CASZ1: variants seen among roughly 807,000 people sequenced by gnomAD.
CASZ1 encodes the protein zinc finger protein castor homolog 1.
CASZ1 carries 28 observed loss-of-function variants against 135.2 expected under a neutral mutation model. The ratio of observed to expected loss-of-function variants is 0.21; its 90% CI spans 0.15 to 0.28. CASZ1 has a LOEUF of 0.28. CASZ1 is among the 10% of genes least tolerant of loss of function. The pLI is 1.00. For missense variants in CASZ1, 2,161 were observed against 2,453.3 expected (o/e 0.88, Z 2.52); for synonymous variants, 1,068 against 1,073.4 (o/e 0.99, Z 0.10).
chr1:10,786,998 C>T (rs1156800782), intron 1 of CASZ1, among the ~76,000 whole-genome samples: 4 of 152,180 alleles, frequency 2.6e-5, no homozygotes, highest in East Asian at 1.9e-4. Context: ...ACATAAAAAC[C>T]GGCTCCCCTG....
intron 2 of CASZ1, among the ~76,000 whole-genome samples, chr1:10,732,916 C>G (rs1639728365): frequency 6.6e-6 from 1 of 152,122 alleles, no homozygotes; most frequent in African/African-American, 2.4e-5. Context: ...GGCCCCTTCC[C>G]AGGGACGTGT....
Position 10,756,725 on chromosome 1 carries a change from G to A in CASZ1, c.-77+3976C>T, listed in dbSNP as rs1477449744. On this transcript the variant is annotated intron_variant, in intron 2 of 20. Coordinates refer to ENST00000377022, the MANE Select transcript of CASZ1 (RefSeq NM_001079843.3). The surrounding 1 kb of genome is among the most constrained non-coding windows in gnomAD (Gnocchi z 5.9). The stretch of plus-strand genomic sequence containing the variant: ...GGCAATTCACACCTTTGTGTGTGGC[G>A]ACACTATTAGGATCCCTGCCGATGA... Among the ~76,000 whole-genome samples the A allele has an allele frequency of 6.6e-6, 1 of 152,184 alleles. No homozygotes were observed. The highest frequency in any genetic ancestry group is 1.5e-5 in the Non-Finnish European group (1 of 68,042).
In CASZ1 at chr1:10,647,354, C is replaced by T; in HGVS notation, c.3497+447G>A. 1 of 1,049,558 alleles carries T rather than the reference C, an allele frequency of 9.5e-7. No homozygotes were observed. The highest frequency in any genetic ancestry group is 1.2e-6 in the Non-Finnish European group (1 of 869,160). 65.0% of individuals were successfully genotyped at this position (1,049,558 alleles called of 1,614,324 possible). On this transcript the variant is annotated intron_variant, in intron 16 of 20. Coordinates refer to ENST00000377022, the MANE Select transcript of CASZ1 (RefSeq NM_001079843.3). This position sits in a 1 kb window ranked among gnomAD's most constrained non-coding sequence, Gnocchi z 4.9. ...CCAAGAGCTCAGACCACTGTGCAGG[C>T]CAGTGACGGCCTGGAGGGGCCTGGC... is the stretch of plus-strand genomic sequence containing the variant.
intron 2 of CASZ1, among the ~76,000 whole-genome samples, chr1:10,730,566 A>G (rs201137691): frequency 6.6e-6 from 1 of 152,192 alleles, no homozygotes; most frequent in East Asian, 1.9e-4. Flanking sequence ...AGTGACTGAC[A>G]GACAAATTGT....
intron 2 of CASZ1, among the ~76,000 whole-genome samples, chr1:10,752,141 C>T (rs558638704): frequency 2.6e-5 from 4 of 152,272 alleles, no homozygotes; most frequent in East Asian, 1.9e-4. Context: ...GGGCAGCAGA[C>T]GGGGATTCTT....
chr1:10,687,245 A>G (rs1247369481), intron 4 of CASZ1, among the ~76,000 whole-genome samples: 1 of 152,182 alleles, frequency 6.6e-6, no homozygotes, highest in Non-Finnish European at 1.5e-5. Flanking sequence ...ACCTTTGGGA[A>G]CACCTGGTCT....
chr1:10,706,855 G>A lies in CASZ1; in HGVS notation c.-76-1311C>T, dbSNP rs369021198. 2.6e-3 allele frequency among the ~76,000 whole-genome samples: 392 copies of A among 152,160 alleles called. 1 individual carries two copies. The highest frequency in any genetic ancestry group is 9.2e-3 in the African/African-American group (382 of 41,518). On this transcript the variant is annotated intron_variant, in intron 2 of 20. Transcript: ENST00000377022. This position sits in a 1 kb window ranked among gnomAD's most constrained non-coding sequence, Gnocchi z 4.3. ...CATCCAGATGATGAGAGGCGGGGGG[G>A]TCTGCAGAGAGCTGGGCGGACCCCT...
chr1:10,655,418 T>G (rs1379021139), intron 9 of CASZ1, among the ~76,000 whole-genome samples: 1 of 152,264 alleles, frequency 6.6e-6, no homozygotes, highest in Non-Finnish European at 1.5e-5. Context: ...ACACCAAGTA[T>G]GGCCATGGGG....
At chr1:10,669,321 T>A (rs1035057123) in intron 4 of CASZ1, among the ~76,000 whole-genome samples, 2 of 152,138 alleles carry the variant, frequency 1.3e-5, no homozygotes, top group African/African-American at 4.8e-5. Context: ...GGGGACTCCT[T>A]CCCCTGCCCC....
chr1:10,740,958 G>GAGAAAAAA (rs1326815549), intron 2 of CASZ1, among the ~76,000 whole-genome samples: 3 of 26,362 alleles, frequency 1.1e-4, no homozygotes, highest in African/African-American at 3.8e-4. Context: ...ACCCTGTCTG[G>GAGAAAAAA]ACAAAAAAAA....
At chr1:10,651,138 G>A in intron 11 of CASZ1, 62 bp from the exon 12 acceptor site, 2 of 1,359,608 alleles carry the variant, frequency 1.5e-6, no homozygotes, top group Non-Finnish European at 1.9e-6. Context: ...GGCACAGACA[G>A]CCGCCGTGCC....
chr1:10,743,672 C>T lies in CASZ1; in HGVS notation c.-77+17029G>A, dbSNP rs55759215. Among the ~76,000 whole-genome samples the T allele has an allele frequency of 1.3e-3, 35 of 26,012 alleles. No homozygotes were observed. In the Admixed American group the frequency reaches 0.015, roughly 11 times the overall value. The allele number at this position is 26,012 out of a possible 152,430, so 17.1% of individuals were successfully genotyped here. ...TATGACAGTCTCCAAAATGGGGGGG[C>T]GGGGTGCGGGGGGAGGAGAAGAGGG... On this transcript the variant is annotated intron_variant, in intron 2 of 20. Coordinates refer to ENST00000377022, the MANE Select transcript of CASZ1 (RefSeq NM_001079843.3).
chr1:10,718,306 G>A (rs907365496), intron 2 of CASZ1, among the ~76,000 whole-genome samples: 1 of 152,230 alleles, frequency 6.6e-6, no homozygotes, highest in African/African-American at 2.4e-5. Flanking sequence ...GCCCTGACTC[G>A]GCAGCCCAGG....
At chr1:10,785,012 T>C (rs186340822) in intron 1 of CASZ1, among the ~76,000 whole-genome samples, 20 of 152,310 alleles carry the variant, frequency 1.3e-4, no homozygotes, top group African/African-American at 4.6e-4. Context: ...CTTCTCTGCC[T>C]GCCTGCCTTC....
chr1:10,656,906 T>C (rs562668743), intron 7 of CASZ1, among the ~76,000 whole-genome samples, 170 bp from the exon 8 acceptor site: 93 of 152,124 alleles, frequency 6.1e-4, no homozygotes, highest in Non-Finnish European at 8.8e-4. Context: ...CCCAGGCCCA[T>C]TGAGGCAAAG....
intron 4 of CASZ1, among the ~76,000 whole-genome samples, chr1:10,689,730 A>G (rs945275086): frequency 3.3e-5 from 5 of 152,142 alleles, no homozygotes; most frequent in Non-Finnish European, 7.4e-5. Flanking sequence ...CACCAAAGAA[A>G]AGGTCCAAAT....
intron 5 of CASZ1, among the ~76,000 whole-genome samples, chr1:10,663,715 A>G (rs1434413926): frequency 1.3e-5 from 2 of 152,230 alleles, no homozygotes; most frequent in Non-Finnish European, 2.9e-5. Flanking sequence ...CCGAGCCCAC[A>G]GAGGCAGCCA....
At position 10,642,928 on chromosome 1, in the gene CASZ1, A is replaced by G; in HGVS notation, c.4093T>C (p.Ser1365Pro). 1 of 1,612,988 alleles carries G rather than the reference A, an allele frequency of 6.2e-7. No individual in the cohort carries two copies. The highest frequency in any genetic ancestry group is 8.5e-7 in the Non-Finnish European group (1 of 1,179,964). ...CGGTCCATGGTGGATGACTCAGAGG[A>G]CATGGCGCCTGGGCTGCAGCCAGTG... ...DYTGCSPGAM[S>P]SESSTMDRSC... Residue 1365 changes from serine (S) to proline (P), a missense_variant, in exon 20 of 21, where the codon TCC becomes CCC. By Grantham distance (74) the Ser-to-Pro change is moderately conservative. This residue lies in a region of CASZ1 where 143 missense variants were observed against 128.3 expected (regional missense o/e 1.11). Transcript: ENST00000377022.
chr1:10,711,370 C>T lies in CASZ1; in HGVS notation c.-76-5826G>A, dbSNP rs1570511175. Among the ~76,000 whole-genome samples, 1 of 152,174 alleles carries T rather than the reference C, an allele frequency of 6.6e-6. No individual in the cohort carries two copies. Among genetic ancestry groups the T allele is most frequent in the African/African-American group, 2.4e-5 (1 of 41,436 alleles). ...AGATCCTTGTCCTAGACCTAGAGAACATTGGCAAACCAAAGACTCAACCCT... is the reference window on the plus strand; with the variant it reads ...AGATCCTTGTCCTAGACCTAGAGAATATTGGCAAACCAAAGACTCAACCCT... On this transcript the variant is annotated intron_variant, in intron 2 of 20. Coordinates refer to ENST00000377022, the MANE Select transcript of CASZ1 (RefSeq NM_001079843.3). This position sits in a 1 kb window ranked among gnomAD's most constrained non-coding sequence, Gnocchi z 4.4.
Sources: allele counts gnomAD v4.1 joint callset (sites outside exome capture counted in the v4.1 genomes callset), GRCh38; gene constraint gnomAD v4.1.1; regional missense constraint gnomAD v4.1.1; non-coding constraint Gnocchi (gnomAD v3.1); transcripts MANE v1.5; gene names NCBI Gene and HGNC (gene_info 2026-07-23, HGNC 2026-07-21).